Variants in CDC73 observed in about 807,000 individuals in gnomAD.
CDC73 encodes parafibromin.
Under a neutral mutation model 83.7 loss-of-function variants are expected in CDC73, and 21 were observed. That is an observed-to-expected ratio of 0.25 (90% CI 0.18 to 0.36). The LOEUF is 0.36. Among genes scored for constraint, CDC73 ranks in the 10% least tolerant of loss-of-function variants. The pLI is 1.00. For missense variants in CDC73, 342 were observed against 653.3 expected (o/e 0.52, Z 5.19); for synonymous variants, 224 against 212.9 (o/e 1.05, Z -0.45).
chr1:193,134,555 C>G (rs1442518409), intron 3 of CDC73, among the ~76,000 whole-genome samples: 1 of 152,112 alleles, frequency 6.6e-6, no homozygotes, highest in African/African-American at 2.4e-5. Flanking sequence ...CCTGTAGTCC[C>G]AGCTACTCGG....
At position 193,147,868 on chromosome 1, in the gene CDC73, A is replaced by G. The variant is rs368199363; in HGVS notation, c.731A>G (p.Asn244Ser). 5.1e-6 allele frequency: 8 copies of G among 1,581,932 alleles called. 1 individual carries two copies. In the South Asian group the frequency reaches 5.6e-5, roughly 11 times the overall value. ...AATTAAAATCCATTTATATTTTAGA[A>G]TTTTTCCAAGAACATTTTTGCAATT... The part of the protein sequence containing the change: ...RTTILQSTGK[N>S]FSKNIFAILQ... Residue 244 changes from asparagine to serine, a missense_variant and splice_region_variant, in exon 8 of 17, where the codon AAT becomes AGT. This residue lies in a region of CDC73 where 239 missense variants were observed against 420.6 expected (regional missense o/e 0.57). Coordinates refer to ENST00000367435, the MANE Select transcript of CDC73 (RefSeq NM_024529.5).
chr1:193,125,081 A>C, intron 1 of CDC73, 31 bp from the exon 2 acceptor site: 1 of 1,075,694 alleles, frequency 9.3e-7, no homozygotes, highest in Non-Finnish European at 1.5e-6. Flanking sequence ...TAGAATTGTC[A>C]GTAAAAAAAA....
intron 10 of CDC73, among the ~76,000 whole-genome samples, chr1:193,178,194 A>G (rs541947745): frequency 1.8e-4 from 27 of 152,280 alleles, no homozygotes; most frequent in Admixed American, 1.4e-3. Flanking sequence ...AGGATTTTCA[A>G]CAGTACAAAG....
intron 10 of CDC73, among the ~76,000 whole-genome samples, chr1:193,183,813 T>G (rs546142051): frequency 6.6e-6 from 1 of 152,070 alleles, no homozygotes; most frequent in Non-Finnish European, 1.5e-5. Flanking sequence ...TTTCTGCTGA[T>G]ATGATAATAC....
chr1:193,234,438 C>A (rs185019758), intron 14 of CDC73, among the ~76,000 whole-genome samples: 2 of 150,206 alleles, frequency 1.3e-5, no homozygotes, highest in Admixed American at 1.3e-4. Flanking sequence ...TTTCAGATAT[C>A]AAGCTTAAAA....
Position 193,251,532 on chromosome 1 carries a change from C to T in CDC73, c.*820C>T, listed in dbSNP as rs768216980. Reference sequence around the variant, plus strand: ...CTTTAAGCTCCTTTTCTCTTTAGTCCACTTTTGATTGTAATTTTTATGGTA... The same window carrying T: ...CTTTAAGCTCCTTTTCTCTTTAGTCTACTTTTGATTGTAATTTTTATGGTA... On this transcript the variant is annotated 3_prime_UTR_variant, in exon 17 of 17. Coordinates refer to ENST00000367435, the MANE Select transcript of CDC73 (RefSeq NM_024529.5). 2.2e-5 allele frequency: 5 copies of T among 231,814 alleles called. No homozygotes were observed. The highest frequency in any genetic ancestry group is 4.3e-5 in the Non-Finnish European group (5 of 116,998). The allele number at this position is 231,814 out of a possible 1,614,324, so 14.4% of individuals were successfully genotyped here. A position where few individuals can be genotyped will look rare whatever the true frequency, so the allele number is the denominator to read the frequency against.
intron 10 of CDC73, among the ~76,000 whole-genome samples, chr1:193,201,031 C>T (rs1677082250): frequency 6.6e-6 from 1 of 151,858 alleles, no homozygotes; most frequent in African/African-American, 2.4e-5. Context: ...TCATATTCTA[C>T]TGTTTTGTCA....
chr1:193,206,067 A>G (rs1314078795), intron 11 of CDC73, among the ~76,000 whole-genome samples: 3 of 152,198 alleles, frequency 2.0e-5, no homozygotes, highest in Admixed American at 1.3e-4. Flanking sequence ...AGAAGTTAGT[A>G]TGTAAGGAAA....
At chr1:193,245,317 T>G (rs1677935151) in intron 15 of CDC73, among the ~76,000 whole-genome samples, 1 of 152,188 alleles carries the variant, frequency 6.6e-6, no homozygotes, top group Admixed American at 6.5e-5. Flanking sequence ...TGTTGCACTT[T>G]TTACTTCTAT....
chr1:193,125,446 A>G (rs916742716), intron 2 of CDC73, among the ~76,000 whole-genome samples: 2 of 152,030 alleles, frequency 1.3e-5, no homozygotes, highest in African/African-American at 2.4e-5. Flanking sequence ...GTTGTTAAAG[A>G]TGAGGGGGTC....
At chr1:193,182,969 A>G (rs1676743292) in intron 10 of CDC73, among the ~76,000 whole-genome samples, 1 of 152,064 alleles carries the variant, frequency 6.6e-6, no homozygotes, top group South Asian at 2.1e-4. Context: ...AGGAGCATTT[A>G]TTTGAAATTA....
chr1:193,177,000 G>A (rs866730116), intron 10 of CDC73, among the ~76,000 whole-genome samples: 2 of 152,210 alleles, frequency 1.3e-5, no homozygotes, highest in Middle Eastern at 3.4e-3. Context: ...CTGGAAAGAA[G>A]GGAAAATAAT....
In CDC73 at chr1:193,212,497, A is replaced by C. The variant is rs567786660; in HGVS notation, c.1154+20A>C. ...CCTGAAGTAAGTAATTTATTAAACT[A>C]TCCTGTACGTAGGATATTGAGATAC... On this transcript the variant is annotated intron_variant, in intron 13 of 16. Coordinates refer to ENST00000367435, the MANE Select transcript of CDC73 (RefSeq NM_024529.5). 157 of 1,345,626 alleles carry C rather than the reference A, an allele frequency of 1.2e-4. No homozygotes were observed. The highest frequency in any genetic ancestry group is 1.6e-4 in the Non-Finnish European group (152 of 938,136). The allele number at this position is 1,345,626 out of a possible 1,614,324, so 83.4% of individuals were successfully genotyped here.
intron 11 of CDC73, among the ~76,000 whole-genome samples, chr1:193,209,311 T>G (rs1194869630): frequency 6.6e-6 from 1 of 152,244 alleles, no homozygotes; most frequent in Non-Finnish European, 1.5e-5. Flanking sequence ...CTACTGTAGT[T>G]GCAGGATTCA....
chr1:193,209,945 G>A lies in CDC73; in HGVS notation c.1031-2120G>A, dbSNP rs139874824. 5.3e-3 allele frequency among the ~76,000 whole-genome samples: 806 copies of A among 151,606 alleles called. 4 individuals carry two copies. The highest frequency in any genetic ancestry group is 0.024 in the Middle Eastern group (7 of 294). On this transcript the variant is annotated intron_variant, in intron 11 of 16. Coordinates refer to ENST00000367435, the MANE Select transcript of CDC73 (RefSeq NM_024529.5). ...CCCTTTAGTCATAATAGCAACTCCT[G>A]TTTCCTGTTTATCCATCCTGTTACC...
At chr1:193,207,286 G>T (rs1677203402) in intron 11 of CDC73, among the ~76,000 whole-genome samples, 1 of 152,134 alleles carries the variant, frequency 6.6e-6, no homozygotes, top group Admixed American at 6.5e-5. Flanking sequence ...AGATCACAAG[G>T]CAAAGGCAAG....
In CDC73 at chr1:193,128,601, G is replaced by A. The variant is rs538198293; in HGVS notation, c.238-1573G>A. Among the ~76,000 whole-genome samples, 31 of 152,162 alleles carry A rather than the reference G, an allele frequency of 2.0e-4. 1 individual carries two copies. The highest frequency in any genetic ancestry group is 7.0e-4 in the African/African-American group (29 of 41,484). ...ATTACAGGCATGAACCACCATGCCT[G>A]GCCTAGGCTGGTTTAAAAGAATACA... On this transcript the variant is annotated intron_variant, in intron 2 of 16. Transcript: ENST00000367435.
Position 193,252,419 on chromosome 1 carries a change from A to G in CDC73, c.*1707A>G, listed in dbSNP as rs1422503979. 1 of 229,982 alleles carries G rather than the reference A, an allele frequency of 4.3e-6. No individual in the cohort carries two copies. Among genetic ancestry groups the G allele is most frequent in the Non-Finnish European group, 8.6e-6 (1 of 116,072 alleles). 14.2% of individuals were successfully genotyped at this position (229,982 alleles called of 1,614,324 possible). A position where few individuals can be genotyped will look rare whatever the true frequency, so the allele number is the denominator to read the frequency against. On this transcript the variant is annotated 3_prime_UTR_variant, in exon 17 of 17. Coordinates refer to ENST00000367435, the MANE Select transcript of CDC73 (RefSeq NM_024529.5). ...TTATGTAAGATTACTTGTCAAGACT[A>G]CTACAAGTCAGTATGAACTACCTTC...
intron 10 of CDC73, among the ~76,000 whole-genome samples, chr1:193,163,965 A>G (rs1257235852): frequency 1.3e-5 from 2 of 152,092 alleles, no homozygotes; most frequent in Non-Finnish European, 2.9e-5. Context: ...TTTTTAGTAG[A>G]TGGGGTTTCG....
Sources: allele counts gnomAD v4.1 joint callset (sites outside exome capture counted in the v4.1 genomes callset), GRCh38; gene constraint gnomAD v4.1.1; regional missense constraint gnomAD v4.1.1; transcripts MANE v1.5; gene names NCBI Gene and HGNC (gene_info 2026-07-23, HGNC 2026-07-21).